Variants in ANKLE2 observed in about 807,000 individuals in gnomAD.
ANKLE2 encodes the protein ankyrin repeat and LEM domain-containing protein 2.
Under a neutral mutation model 84.2 loss-of-function variants are expected in ANKLE2, and 55 were observed. The observed-to-expected ratio is 0.65, with a 90% CI of 0.53 to 0.82. The LOEUF is 0.82. Among genes scored for constraint, ANKLE2 ranks in the 40% least tolerant of loss-of-function variants. ANKLE2 has a pLI of 0.00. For missense variants in ANKLE2, 1,238 were observed against 1,201.9 expected (o/e 1.03, Z -0.44); for synonymous variants, 551 against 486.1 (o/e 1.13, Z -1.76).
At chr12:132,744,960 G>A (rs1455320299) in intron 5 of ANKLE2, among the ~76,000 whole-genome samples, 1 of 152,218 alleles carries the variant, frequency 6.6e-6, no homozygotes, top group African/African-American at 2.4e-5. Context: ...GTTTACAGGC[G>A]TGAGCCACTG....
At chr12:132,736,823 G>A in intron 8 of ANKLE2, 70 bp downstream of exon 8, 3 of 1,501,938 alleles carry the variant, frequency 2.0e-6, no homozygotes, top group Non-Finnish European at 1.8e-6. Context: ...AAGGCAACAG[G>A]CTGGAACACC....
rs938707112 is a variant in ANKLE2, at chr12:132,726,883, G to A, written c.*359C>T. The A allele has an allele frequency of 3.0e-5, 6 of 203,036 alleles. No individual in the cohort carries two copies. Among genetic ancestry groups the A allele is most frequent in the East Asian group, 1.1e-4 (1 of 9,176 alleles). 12.6% of individuals were successfully genotyped at this position (203,036 alleles called of 1,614,324 possible). The stretch of plus-strand genomic sequence containing the variant: ...CGCCAAGCCCCTCCTCATCCACAGC[G>A]TCTGTCGGATGAGGTGAGTACAGGG... On this transcript the variant is annotated 3_prime_UTR_variant, in exon 13 of 13. Transcript: ENST00000357997.
chr12:132,752,225 A>G (rs2044372619), intron 2 of ANKLE2, among the ~76,000 whole-genome samples: 1 of 152,168 alleles, frequency 6.6e-6, no homozygotes, highest in South Asian at 2.1e-4. Context: ...CTGTAGTACT[A>G]GCTACTCGGG....
chr12:132,735,622 C>A, intron 8 of ANKLE2, 110 bp from the exon 9 acceptor site: 1 of 788,324 alleles, frequency 1.3e-6, no homozygotes, highest in Non-Finnish European at 2.0e-6. Context: ...GCACACCCTT[C>A]CTTCTCTCCC....
intron 6 of ANKLE2, chr12:132,741,790 A>G (rs1402437276): frequency 7.7e-6 from 4 of 520,762 alleles, no homozygotes; most frequent in Non-Finnish European, 1.1e-5. Flanking sequence ...AAGCAGAAGC[A>G]CGTGAACATG....
At chr12:132,755,561 A>ATT (rs201823627) in intron 1 of ANKLE2, 5 of 147,228 alleles carry the variant, frequency 3.4e-5, no homozygotes, top group African/African-American at 5.1e-5. Context: ...AAAAAAAAGA[A>ATT]TTTTTCTTTT....
chr12:132,742,213 AC>A lies in ANKLE2; in HGVS notation c.1354-729del, dbSNP rs1193788289. The stretch of plus-strand genomic sequence containing the variant: ...CACACACACACACACACACACACAC[AC>A]ACACACAAAAAGAATCACATGTATG... On this transcript the variant is annotated intron_variant, in intron 6 of 12. Transcript: ENST00000357997. 87 of 163,086 alleles carry A rather than the reference AC, an allele frequency of 5.3e-4. 1 individual carries two copies. In the South Asian group the frequency reaches 0.01, roughly 19 times the overall value. 10.1% of individuals were successfully genotyped at this position (163,086 alleles called of 1,614,324 possible). A position where few individuals can be genotyped will look rare whatever the true frequency, so the allele number is the denominator to read the frequency against.
intron 2 of ANKLE2, among the ~76,000 whole-genome samples, chr12:132,754,418 GTTAATA>G (rs754087575): frequency 2.0e-5 from 3 of 152,178 alleles, no homozygotes; most frequent in Admixed American, 1.3e-4. Context: ...GCAGCAGCCA[GTTAATA>G]TTAATATCTC....
chr12:132,756,084 G>C (rs1236616783), intron 1 of ANKLE2: 2 of 151,534 alleles, frequency 1.3e-5, no homozygotes, highest in African/African-American at 4.9e-5. Flanking sequence ...ACCTCCCAAA[G>C]TGCTGGGATT....
At chr12:132,749,773 A>G (rs972474383) in intron 3 of ANKLE2, among the ~76,000 whole-genome samples, 1 of 152,230 alleles carries the variant, frequency 6.6e-6, no homozygotes, top group Non-Finnish European at 1.5e-5. Flanking sequence ...GGAGGTGGGC[A>G]TGGGTCAGAC....
At chr12:132,749,213 T>C (rs969094178) in intron 3 of ANKLE2, among the ~76,000 whole-genome samples, 3 of 152,184 alleles carry the variant, frequency 2.0e-5, no homozygotes, top group African/African-American at 7.2e-5. Context: ...TGGAGTGCAG[T>C]GGCGCGATCT....
intron 11 of ANKLE2, 46 bp from the exon 12 acceptor site, chr12:132,728,209 TAA>T (rs2043750269): frequency 1.3e-6 from 2 of 1,594,518 alleles, no homozygotes; most frequent in African/African-American, 1.4e-5. Flanking sequence ...GGTAAAAACA[TAA>T]AGACTTCTAA....
intron 7 of ANKLE2, 148 bp downstream of exon 7, chr12:132,741,271 A>C: frequency 1.4e-6 from 1 of 725,232 alleles, no homozygotes; most frequent in Non-Finnish European, 2.4e-6. Context: ...GCTCAGGAGA[A>C]GAAAGGATGA....
intron 2 of ANKLE2, among the ~76,000 whole-genome samples, chr12:132,751,578 A>T (rs572557600): frequency 3.9e-4 from 59 of 150,974 alleles, no homozygotes; most frequent in African/African-American, 1.1e-3. Context: ...AGTCTCACTC[A>T]GCTGCCGAGG....
intron 2 of ANKLE2, among the ~76,000 whole-genome samples, chr12:132,751,872 C>G (rs762553953): frequency 2.0e-5 from 3 of 152,030 alleles, no homozygotes; most frequent in Non-Finnish European, 4.4e-5. Flanking sequence ...TGCCAAGAAA[C>G]CATTCAAAAC....
chr12:132,748,102 A>G (rs1355877480), intron 4 of ANKLE2, 36 bp downstream of exon 4: 1 of 1,608,868 alleles, frequency 6.2e-7, no homozygotes, highest in Admixed American at 1.7e-5. Context: ...AACGGCCGGG[A>G]CCGCACACCT....
intron 5 of ANKLE2, chr12:132,745,750 C>CT (rs1197725417): frequency 1.6e-5 from 3 of 185,396 alleles, no homozygotes; most frequent in Non-Finnish European, 1.2e-5. Flanking sequence ...CCGCACCTCT[C>CT]TAAGCCTGTG....
At position 132,727,218 on chromosome 12, in the gene ANKLE2, C is replaced by G; in HGVS notation, c.*24G>C. ...CCCTTCCTTCTTTAAAAATGAAGAA[C>G]AAACCGAGAGCCCAGCGCCAAGCCT... On this transcript the variant is annotated 3_prime_UTR_variant, in exon 13 of 13. Coordinates refer to ENST00000357997, the MANE Select transcript of ANKLE2 (RefSeq NM_015114.3). The G allele has an allele frequency of 6.6e-7, 1 of 1,515,010 alleles. No individual in the cohort carries two copies. Among genetic ancestry groups the G allele is most frequent in the Middle Eastern group, 1.8e-4 (1 of 5,684 alleles). The allele number at this position is 1,515,010 out of a possible 1,614,324, so 93.8% of individuals were successfully genotyped here.
rs760335562 is a variant in ANKLE2, at chr12:132,750,766, T to C, written c.724A>G (p.Thr242Ala). 6 of 1,614,210 alleles carry C rather than the reference T, an allele frequency of 3.7e-6. No homozygotes were observed. The Admixed American group carries it at 5.0e-5, about 13-fold the overall frequency. ...GCAAATTTCTCAGCGTCTTCTCTGGTAGAAAAAGCTTTAAATCGGGACCCT... is the reference window on the plus strand; with the variant it reads ...GCAAATTTCTCAGCGTCTTCTCTGGCAGAAAAAGCTTTAAATCGGGACCCT... Reference protein sequence around the residue: ...IKGSRFKAFSTREDAEKFARG... With the variant: ...IKGSRFKAFSAREDAEKFARG... The change falls in exon 3 of 13, where the codon ACC becomes GCC. Residue 242 changes from threonine (T) to alanine (A), a missense_variant. By Grantham distance (58) the Thr-to-Ala change is moderately conservative. This residue lies in a region of ANKLE2 where 422 missense variants were observed against 394.5 expected (regional missense o/e 1.07). Coordinates refer to ENST00000357997, the MANE Select transcript of ANKLE2 (RefSeq NM_015114.3).
Sources: gnomAD v4.1 joint callset for allele counts (sites outside exome capture counted in the v4.1 genomes callset) on GRCh38, gnomAD v4.1.1 for gene constraint, gnomAD v4.1.1 regional missense constraint, MANE v1.5 for transcripts, NCBI Gene and HGNC (gene_info 2026-07-23, HGNC 2026-07-21) for gene names.